The following HTT variants were observed in gnomAD, a reference collection of about 807,000 sequenced individuals.
The protein encoded by HTT is huntingtin.
In HTT, 104 loss-of-function variants were observed where a neutral mutation model predicts 362.3. The ratio of observed to expected loss-of-function variants is 0.29; its 90% confidence interval spans 0.24 to 0.34. HTT has a LOEUF of 0.34. HTT is among the 10% of genes least tolerant of loss of function. The pLI is 1.00. For missense variants in HTT, 3,301 were observed against 3,928.6 expected, an observed-to-expected ratio of 0.84 and a Z score of 4.27; for synonymous variants, 1,577 against 1,548.7, an observed-to-expected ratio of 1.02 and a Z score of -0.43.
intron 41 of HTT, among the ~76,000 whole-genome samples, chr4:3,203,273 G>A (rs1719675231): frequency 6.6e-6 from 1 of 152,238 alleles, no homozygotes; most frequent in South Asian, 2.1e-4. Context: ...TACAGGAAAA[G>A]TTGTTGTATT....
Position 3,238,490 on chromosome 4 carries a change from A to G in HTT, c.8935A>G (p.Ile2979Val), listed in dbSNP as rs1453173421. 6.2e-7 allele frequency: 1 copy of G among 1,613,182 alleles called. No homozygotes were observed. Among genetic ancestry groups the G allele is most frequent in the Admixed American group, 1.7e-5 (1 of 59,946 alleles). The change falls in exon 65 of 67, where the codon ATC becomes GTC. Residue 2979 changes from isoleucine to valine, a missense_variant. Coordinates refer to ENST00000355072, the MANE Select transcript of HTT (RefSeq NM_001388492.1). ...TTGTGAAGCCAGAGTGGTGGCCAGG[A>G]TCCTGCCCCAGTTTCTAGACGACTT... ...FPCEARVVAR[I>V]LPQFLDDFFP...
chr4:3,235,003 G>C (rs1319527655), intron 61 of HTT, among the ~76,000 whole-genome samples: 1 of 152,200 alleles, frequency 6.6e-6, no homozygotes, highest in East Asian at 1.9e-4. Flanking sequence ...GAGAGGAAGT[G>C]TGTGGTGGCC....
intron 59 of HTT, among the ~76,000 whole-genome samples, chr4:3,229,302 CCA>C (rs35275647): frequency 0.31 from 44,119 of 140,434 alleles, 7,021 homozygotes; most frequent in East Asian, 0.38. Flanking sequence ...CATGCATGCA[CCA>C]CACACACACA....
At position 3,074,684 on chromosome 4, in the gene HTT, G is replaced by A; in HGVS notation, c.-142G>A. The A allele has an allele frequency of 2.4e-6, 2 of 830,332 alleles. No homozygotes were observed. Among genetic ancestry groups the A allele is most frequent in the Non-Finnish European group, 3.3e-6 (2 of 602,548 alleles). The allele number at this position is 830,332 out of a possible 1,614,324, so 51.4% of individuals were successfully genotyped here. On this transcript the variant is annotated 5_prime_UTR_variant, in exon 1 of 67. Transcript: ENST00000355072. ...TGGGACGCAAGGCGCCGTGGGGGCT[G>A]CCGGGACGGGTCCAAGATGGACGGC...
chr4:3,079,543 G>A (rs1484082660), intron 1 of HTT, among the ~76,000 whole-genome samples: 1 of 152,116 alleles, frequency 6.6e-6, no homozygotes, highest in Non-Finnish European at 1.5e-5. Flanking sequence ...GGAATAGCAA[G>A]GATGTCATTT....
Position 3,231,279 on chromosome 4 carries a change from C to T in HTT, c.8265+1237C>T, listed in dbSNP as rs544182393. 6.6e-5 allele frequency among the ~76,000 whole-genome samples: 10 copies of T among 152,286 alleles called. No homozygotes were observed. The East Asian group carries it at 1.4e-3, about 21-fold the overall frequency. ...GGTGCCCATCAGGGCCTGCCTAGCC[C>T]GTGCTCTGGACGGGCTCCTGTGTGT... On this transcript the variant is annotated intron_variant, in intron 60 of 66. Coordinates refer to ENST00000355072, the MANE Select transcript of HTT (RefSeq NM_001388492.1).
intron 56 of HTT, 73 bp downstream of exon 56, chr4:3,224,204 C>T: frequency 2.0e-6 from 3 of 1,479,774 alleles, no homozygotes; most frequent in Non-Finnish European, 2.8e-6. Flanking sequence ...ATGCTCACCA[C>T]ACCAGTGATG....
At position 3,228,476 on chromosome 4, in the gene HTT, C is replaced by A; in HGVS notation, c.7849-139C>A. On this transcript the variant is annotated intron_variant, in intron 57 of 66. Coordinates refer to ENST00000355072, the MANE Select transcript of HTT (RefSeq NM_001388492.1). This position sits in a 1 kb window ranked among gnomAD's most constrained non-coding sequence, Gnocchi z 4.3. ...TCTCTGTGGGCTCCCTTGCCCGTAACCTGGGGTGTCTGAACGACCCTTGCT... is the reference window on the plus strand; with the variant it reads ...TCTCTGTGGGCTCCCTTGCCCGTAAACTGGGGTGTCTGAACGACCCTTGCT... 1.1e-6 allele frequency: 1 copy of A among 925,928 alleles called. No individual in the cohort carries two copies. The highest frequency in any genetic ancestry group is 1.5e-6 in the Non-Finnish European group (1 of 645,466). The allele number at this position is 925,928 out of a possible 1,614,324, so 57.4% of individuals were successfully genotyped here. A position where few individuals can be genotyped will look rare whatever the true frequency, so the allele number is the denominator to read the frequency against.
chr4:3,233,337 C>T lies in HTT; in HGVS notation c.8440C>T (p.Leu2814=). The part of the protein sequence containing the change: ...PVISDYLLSN[L]KGIAHCVNIH... ...CATCAGCGACTATCTCCTCTCCAAC[C>T]TGAAAGGGATCGCCCAGTGAGTGGG... The change falls in exon 61 of 67, where the codon CTG becomes TTG. Residue 2814 remains leucine (L), a synonymous_variant. Coordinates refer to ENST00000355072, the MANE Select transcript of HTT (RefSeq NM_001388492.1). 6.2e-7 allele frequency: 1 copy of T among 1,601,810 alleles called. No homozygotes were observed. Among genetic ancestry groups the T allele is most frequent in the South Asian group, 1.1e-5 (1 of 90,736 alleles).
intron 40 of HTT, among the ~76,000 whole-genome samples, chr4:3,198,252 G>A (rs1408716401): frequency 8.9e-6 from 1 of 112,992 alleles, no homozygotes; most frequent in African/African-American, 3.5e-5. Context: ...TTGAGATAGA[G>A]TCTCGCTCCA....
chr4:3,239,750 C>T, intron 66 of HTT, 96 bp from the exon 67 acceptor site: 1 of 1,010,546 alleles, frequency 9.9e-7, no homozygotes, highest in Non-Finnish European at 1.5e-6. Context: ...TCCCTGGACC[C>T]CTTTGTAGAC....
chr4:3,092,373 G>C (rs1246019135), intron 2 of HTT, among the ~76,000 whole-genome samples: 1 of 152,056 alleles, frequency 6.6e-6, no homozygotes, highest in Non-Finnish European at 1.5e-5. Context: ...TTTATATTTT[G>C]TTTACTTTTT....
At chr4:3,166,078 C>T (rs1177485054) in intron 29 of HTT, among the ~76,000 whole-genome samples, 1 of 152,124 alleles carries the variant, frequency 6.6e-6, no homozygotes, top group Admixed American at 6.5e-5. Flanking sequence ...ATGTTGGTGA[C>T]CTACGGATGG....
chr4:3,207,101 A>G lies in HTT; in HGVS notation c.6075+118A>G, dbSNP rs556772116. On this transcript the variant is annotated intron_variant, in intron 44 of 66. Transcript: ENST00000355072. ...TCTTGACATGGTCACCGATAGAAAC[A>G]TGGAAACATCTGCAAACTTGCCGTT... 6.0e-6 allele frequency: 7 copies of G among 1,159,954 alleles called. No individual in the cohort carries two copies. In the Admixed American group the frequency reaches 7.1e-5, roughly 12 times the overall value. 71.9% of individuals were successfully genotyped at this position (1,159,954 alleles called of 1,614,324 possible).
intron 41 of HTT, among the ~76,000 whole-genome samples, chr4:3,202,076 C>T (rs1368511111): frequency 6.6e-6 from 1 of 152,168 alleles, no homozygotes; most frequent in Non-Finnish European, 1.5e-5. Context: ...CTTATGGACT[C>T]TGTCACTGTG....
intron 6 of HTT, among the ~76,000 whole-genome samples, chr4:3,113,775 T>G (rs571048051): frequency 6.6e-6 from 1 of 151,416 alleles, no homozygotes; most frequent in African/African-American, 2.4e-5. Context: ...GGGGGTGGGG[T>G]AGTCCTGTGG....
intron 55 of HTT, 100 bp from the exon 56 acceptor site, chr4:3,223,892 C>T: frequency 8.0e-7 from 1 of 1,257,798 alleles, no homozygotes; most frequent in East Asian, 2.3e-5. Context: ...TGGTATTACA[C>T]CAGGTTCCTT....
intron 30 of HTT, among the ~76,000 whole-genome samples, 179 bp downstream of exon 30, chr4:3,172,576 C>G (rs1243567880): frequency 6.6e-6 from 1 of 152,174 alleles, no homozygotes; most frequent in Non-Finnish European, 1.5e-5. Context: ...CCTTCACTCC[C>G]CAGGAGGACG....
In HTT at chr4:3,212,138, G is replaced by A. The variant is rs144090436; in HGVS notation, c.6624G>A (p.Leu2208=). The A allele has an allele frequency of 2.0e-3, 3,265 of 1,606,846 alleles. 28 individuals are homozygous for A. The East Asian group carries it at 0.021, about 10-fold the overall frequency. The stretch of plus-strand genomic sequence containing the variant: ...CCTACTGGAGCAAGTTGAATGATCT[G>A]TTTGGTAATTAAAATTAAAATTTAT... ...PAAYWSKLND[L]FGDAALYQSL... The change falls in exon 48 of 67, where the codon CTG becomes CTA. Residue 2208 remains leucine, a synonymous_variant. Coordinates refer to ENST00000355072, the MANE Select transcript of HTT (RefSeq NM_001388492.1).
Sources: gnomAD v4.1 joint callset for allele counts (sites outside exome capture counted in the v4.1 genomes callset) on GRCh38, gnomAD v4.1.1 for gene constraint, Gnocchi (gnomAD v3.1) non-coding constraint, MANE v1.5 for transcripts, NCBI Gene and HGNC (gene_info 2026-07-23, HGNC 2026-07-21) for gene names.